RPH3A: variants seen among roughly 807,000 people sequenced by gnomAD.
RPH3A encodes the protein rabphilin 3A, also known as rabphilin-3A.
RPH3A carries 48 observed loss-of-function variants against 102.2 expected under a neutral mutation model. That is an observed-to-expected ratio of 0.47 (90% CI 0.37 to 0.60). RPH3A has a LOEUF of 0.60. RPH3A is among the 20% of genes least tolerant of loss of function. RPH3A has a pLI of 0.00. For missense variants in RPH3A, 781 were observed against 910.1 expected, an observed-to-expected ratio of 0.86 and a Z score of 1.83; for synonymous variants, 310 against 324.3, an observed-to-expected ratio of 0.96 and a Z score of 0.47.
chr12:112,820,854 C>A (rs1221968978), intron 2 of RPH3A, among the ~76,000 whole-genome samples: 1 of 152,138 alleles, frequency 6.6e-6, no homozygotes, highest in Admixed American at 6.5e-5. Flanking sequence ...ATGGGAGAAC[C>A]ATATGGAGGG....
At chr12:112,742,217 C>T (rs2040713968) in intron 1 of RPH3A, among the ~76,000 whole-genome samples, 1 of 152,044 alleles carries the variant, frequency 6.6e-6, no homozygotes, top group East Asian at 1.9e-4. Context: ...GTTCATGTTG[C>T]CATGATAGAT....
chr12:112,735,508 C>G (rs1392242250), intron 1 of RPH3A, among the ~76,000 whole-genome samples: 1 of 152,234 alleles, frequency 6.6e-6, no homozygotes, highest in Non-Finnish European at 1.5e-5. Flanking sequence ...GGTTTGGAAA[C>G]CTGCTGTGCT....
At chr12:112,591,835 C>A (rs2039481240) in intron 1 of RPH3A, among the ~76,000 whole-genome samples, 1 of 152,128 alleles carries the variant, frequency 6.6e-6, no homozygotes, top group African/African-American at 2.4e-5. Context: ...CTGCTACATT[C>A]TGAAGTCTTA....
chr12:112,878,320 C>G (rs1425571320), intron 13 of RPH3A, among the ~76,000 whole-genome samples: 1 of 152,186 alleles, frequency 6.6e-6, no homozygotes, highest in Non-Finnish European at 1.5e-5. Context: ...GTCCTCCCAG[C>G]CTCATGTCTG....
At chr12:112,772,819 T>A (rs1010303008) in intron 1 of RPH3A, among the ~76,000 whole-genome samples, 1 of 151,998 alleles carries the variant, frequency 6.6e-6, no homozygotes, top group African/African-American at 2.4e-5. Flanking sequence ...TTTGTGAGAT[T>A]TTGGTTCACT....
intron 1 of RPH3A, chr12:112,695,271 C>A (rs2040341676): frequency 6.0e-6 from 1 of 166,834 alleles, no homozygotes; most frequent in Admixed American, 6.5e-5. Context: ...TGGTGTATAT[C>A]CTAACCAAAA....
chr12:112,814,428 G>A (rs566145517), intron 2 of RPH3A, among the ~76,000 whole-genome samples: 5 of 152,224 alleles, frequency 3.3e-5, no homozygotes, highest in African/African-American at 1.2e-4. Context: ...GTTTGTGCTT[G>A]ATTACCTCCA....
intron 1 of RPH3A, among the ~76,000 whole-genome samples, chr12:112,643,434 C>T (rs570872140): frequency 5.9e-5 from 9 of 152,326 alleles, no homozygotes; most frequent in African/African-American, 2.2e-4. Flanking sequence ...TGTGTGTGTT[C>T]GTGTTGCATT....
chr12:112,753,641 G>A (rs11832699), intron 1 of RPH3A, among the ~76,000 whole-genome samples: 2,155 of 152,260 alleles, frequency 0.014, 49 homozygotes, highest in African/African-American at 0.049. Context: ...TTAGACCCAG[G>A]AAGGCCCTAA....
intron 1 of RPH3A, among the ~76,000 whole-genome samples, chr12:112,691,124 A>G (rs1441875459): frequency 6.6e-6 from 1 of 151,968 alleles, no homozygotes; most frequent in African/African-American, 2.4e-5. Flanking sequence ...TCCCGGGTTC[A>G]GCCACTTTCC....
intron 2 of RPH3A, among the ~76,000 whole-genome samples, chr12:112,822,590 G>C (rs180688188): frequency 2.6e-5 from 4 of 151,988 alleles, no homozygotes; most frequent in Middle Eastern, 3.4e-3. Context: ...TGGGTTACCT[G>C]GGGTTAGGAC....
intron 1 of RPH3A, among the ~76,000 whole-genome samples, chr12:112,702,310 G>A (rs1350835092): frequency 6.6e-6 from 1 of 152,168 alleles, no homozygotes; most frequent in Non-Finnish European, 1.5e-5. Flanking sequence ...GAAGAAAATA[G>A]CCAGATGTTG....
chr12:112,592,583 T>C (rs2039487580), intron 1 of RPH3A, among the ~76,000 whole-genome samples: 1 of 152,234 alleles, frequency 6.6e-6, no homozygotes, highest in South Asian at 2.1e-4. Context: ...CCTTCCAAAG[T>C]GCTGGGATTA....
At chr12:112,819,826 G>C (rs1472931375) in intron 2 of RPH3A, among the ~76,000 whole-genome samples, 1 of 152,240 alleles carries the variant, frequency 6.6e-6, no homozygotes, top group African/African-American at 2.4e-5. Context: ...AGGCTAGCCT[G>C]GTTTCTCAAA....
chr12:112,704,783 T>C (rs773779709), intron 1 of RPH3A, among the ~76,000 whole-genome samples: 1 of 152,210 alleles, frequency 6.6e-6, no homozygotes, highest in Non-Finnish European at 1.5e-5. Context: ...ATATTCTGAC[T>C]TTGGGAGAGT....
chr12:112,642,151 A>G (rs575157825), intron 1 of RPH3A, among the ~76,000 whole-genome samples: 18 of 152,338 alleles, frequency 1.2e-4, no homozygotes, highest in African/African-American at 4.3e-4. Context: ...CAAACATAGC[A>G]TTTAAAATCC....
intron 1 of RPH3A, among the ~76,000 whole-genome samples, chr12:112,613,106 G>C (rs949685195): frequency 6.6e-6 from 1 of 152,160 alleles, no homozygotes; most frequent in African/African-American, 2.4e-5. Flanking sequence ...CAACAGCCCT[G>C]TGAGGTGGAT....
intron 1 of RPH3A, among the ~76,000 whole-genome samples, chr12:112,668,728 G>A (rs1375422815): frequency 6.6e-6 from 1 of 152,000 alleles, no homozygotes; most frequent in African/African-American, 2.4e-5. Flanking sequence ...AAACCTAGAT[G>A]ATGGGTTAAT....
chr12:112,884,395 T>C (rs1446411123), intron 16 of RPH3A, among the ~76,000 whole-genome samples: 2 of 152,224 alleles, frequency 1.3e-5, no homozygotes, highest in Non-Finnish European at 2.9e-5. Context: ...CTGAATTCTT[T>C]GGGTATCATT....
Sources: allele counts gnomAD v4.1 joint callset (sites outside exome capture counted in the v4.1 genomes callset), GRCh38; gene constraint gnomAD v4.1.1; transcripts MANE v1.5; gene names NCBI Gene and HGNC (gene_info 2026-07-23, HGNC 2026-07-21).